NPAS3: variants seen among roughly 807,000 people sequenced by gnomAD.
NPAS3 encodes the protein neuronal PAS domain protein 3, also known as neuronal PAS domain-containing protein 3.
A neutral mutation model predicts 73.1 loss-of-function variants in NPAS3; 14 were observed. The ratio of observed to expected loss-of-function variants is 0.19; its 90% CI spans 0.13 to 0.30. The LOEUF is 0.30. Ranked by LOEUF, NPAS3 falls within the 10% of genes least tolerant of loss-of-function variation. NPAS3 has a pLI of 1.00. For missense variants in NPAS3, 1,096 were observed against 1,250.0 expected, an observed-to-expected ratio of 0.88 and a Z score of 1.86; for synonymous variants, 620 against 541.5, an observed-to-expected ratio of 1.14 and a Z score of -2.01.
intron 5 of NPAS3, among the ~76,000 whole-genome samples, chr14:33,674,796 C>CT (rs2059712251): frequency 1.3e-5 from 2 of 152,290 alleles, no homozygotes; most frequent in South Asian, 4.1e-4. Context: ...GTTTTTCTGA[C>CT]TATACCTATG....
At chr14:33,247,133 C>T (rs57540554) in intron 3 of NPAS3, among the ~76,000 whole-genome samples, 1,761 of 151,554 alleles carry the variant, frequency 0.012, 45 homozygotes, top group African/African-American at 0.041. Context: ...GTAGAATGTA[C>T]TTTAAAAGAG....
intron 1 of NPAS3, among the ~76,000 whole-genome samples, chr14:33,037,184 T>A (rs2040197064): frequency 6.6e-6 from 1 of 152,148 alleles, no homozygotes; most frequent in African/African-American, 2.4e-5. Context: ...TAATTAGGTT[T>A]TAAAAAATGT....
At chr14:32,974,336 A>C (rs994072203) in intron 1 of NPAS3, among the ~76,000 whole-genome samples, 5 of 152,244 alleles carry the variant, frequency 3.3e-5, no homozygotes, top group Admixed American at 2.0e-4. Flanking sequence ...TGGTGATAAT[A>C]ATAACACACA....
intron 2 of NPAS3, among the ~76,000 whole-genome samples, chr14:33,178,794 T>G (rs1338932870): frequency 6.6e-6 from 1 of 152,174 alleles, no homozygotes; most frequent in East Asian, 1.9e-4. Flanking sequence ...TTCCTTCCAA[T>G]TTGATATATT....
intron 1 of NPAS3, among the ~76,000 whole-genome samples, chr14:33,051,926 A>C (rs1387629793): frequency 6.6e-6 from 1 of 151,888 alleles, no homozygotes; most frequent in African/African-American, 2.4e-5. Flanking sequence ...TGCCTGGCTA[A>C]TTTTTTGTAT....
intron 3 of NPAS3, among the ~76,000 whole-genome samples, chr14:33,258,792 T>A (rs1421049416): frequency 6.6e-6 from 1 of 152,156 alleles, no homozygotes; most frequent in Non-Finnish European, 1.5e-5. Flanking sequence ...ATACTCATTT[T>A]TATCATAAAT....
At chr14:33,292,379 C>T (rs947256084) in intron 3 of NPAS3, among the ~76,000 whole-genome samples, 2 of 152,164 alleles carry the variant, frequency 1.3e-5, no homozygotes. Flanking sequence ...TTCTGAGAAT[C>T]CTTGCCTGGA....
intron 10 of NPAS3, among the ~76,000 whole-genome samples, chr14:33,795,366 G>A (rs995950012): frequency 1.3e-4 from 20 of 152,210 alleles, no homozygotes; most frequent in Middle Eastern, 6.8e-3. Context: ...AGTCTCCCCC[G>A]TGTTTGTGAT....
intron 5 of NPAS3, among the ~76,000 whole-genome samples, chr14:33,610,573 T>A (rs530922858): frequency 2.1e-4 from 32 of 152,344 alleles, no homozygotes; most frequent in African/African-American, 7.7e-4. Flanking sequence ...CCAGTATTTT[T>A]AAAAATTTTA....
intron 3 of NPAS3, among the ~76,000 whole-genome samples, chr14:33,263,964 CA>C (rs1397292000): frequency 1.3e-5 from 2 of 152,148 alleles, no homozygotes; most frequent in Admixed American, 6.5e-5. Context: ...TATAAGGACA[CA>C]TGCACACATA....
chr14:33,060,115 C>T (rs1441951037), intron 2 of NPAS3, among the ~76,000 whole-genome samples: 1 of 152,128 alleles, frequency 6.6e-6, no homozygotes, highest in Non-Finnish European at 1.5e-5. Context: ...TATTCATAGA[C>T]ATGAGATGGA....
At chr14:33,609,133 A>G (rs2057669427) in intron 5 of NPAS3, among the ~76,000 whole-genome samples, 1 of 151,914 alleles carries the variant, frequency 6.6e-6, no homozygotes. Context: ...AATCCTCCTC[A>G]TTCTCTCGTT....
intron 6 of NPAS3, among the ~76,000 whole-genome samples, chr14:33,714,684 G>A (rs1272691804): frequency 6.6e-6 from 1 of 152,142 alleles, no homozygotes; most frequent in East Asian, 1.9e-4. Flanking sequence ...TTATCCTGGA[G>A]TCATGAAAAA....
intron 4 of NPAS3, among the ~76,000 whole-genome samples, chr14:33,480,388 C>T (rs189236777): frequency 1.4e-3 from 214 of 152,248 alleles, no homozygotes; most frequent in Middle Eastern, 0.014. Context: ...GGCAATCTTC[C>T]ATAAGGCAAG....
At chr14:33,707,430 T>G (rs1286059414) in intron 6 of NPAS3, among the ~76,000 whole-genome samples, 3 of 152,114 alleles carry the variant, frequency 2.0e-5, no homozygotes, top group African/African-American at 7.2e-5. Context: ...AGGAACTGGA[T>G]GTTGGAAACT....
intron 3 of NPAS3, among the ~76,000 whole-genome samples, chr14:33,362,401 T>TGA (rs2140396950): frequency 1.3e-5 from 2 of 152,304 alleles, no homozygotes; most frequent in South Asian, 4.1e-4. Flanking sequence ...CTGGGGCTCC[T>TGA]GAGAAAACCC....
intron 4 of NPAS3, among the ~76,000 whole-genome samples, chr14:33,377,117 T>C (rs2046345393): frequency 6.6e-6 from 1 of 152,216 alleles, no homozygotes; most frequent in East Asian, 1.9e-4. Context: ...CATTTGACAG[T>C]TCAGGTTTAG....
chr14:33,527,301 TA>T (rs2053845503), intron 4 of NPAS3, among the ~76,000 whole-genome samples: 1 of 152,202 alleles, frequency 6.6e-6, no homozygotes, highest in South Asian at 2.1e-4. Context: ...TGTAACCACT[TA>T]CCTTGTGATG....
intron 4 of NPAS3, among the ~76,000 whole-genome samples, chr14:33,513,835 ACT>A (rs1463841222): frequency 1.3e-5 from 2 of 151,914 alleles, no homozygotes; most frequent in Admixed American, 6.6e-5. Flanking sequence ...ATAAAAAGTC[ACT>A]CTTTTTACTA....
Sources: allele counts gnomAD v4.1 joint callset (sites outside exome capture counted in the v4.1 genomes callset), GRCh38; gene constraint gnomAD v4.1.1; transcripts MANE v1.5; gene names NCBI Gene and HGNC (gene_info 2026-07-23, HGNC 2026-07-21).